Variants in CFAP61 observed in about 807,000 individuals in gnomAD.
CFAP61 encodes the protein cilia- and flagella-associated protein 61.
A neutral mutation model predicts 135.6 loss-of-function variants in CFAP61; 107 were observed. That is an observed-to-expected ratio of 0.79 (90% confidence interval 0.67 to 0.93). The LOEUF is 0.93. Among genes scored for constraint, CFAP61 ranks in the 40% least tolerant of loss-of-function variants. The pLI, the probability that CFAP61 is intolerant of heterozygous loss-of-function variation, is 0.00. For missense variants in CFAP61, 1,507 were observed against 1,556.2 expected, an observed-to-expected ratio of 0.97 and a Z score of 0.53; for synonymous variants, 575 against 578.5, an observed-to-expected ratio of 0.99 and a Z score of 0.09.
chr20:20,255,164 T>G (rs955634817), intron 20 of CFAP61, among the ~76,000 whole-genome samples: 1 of 152,158 alleles, frequency 6.6e-6, no homozygotes, highest in Non-Finnish European at 1.5e-5. Context: ...TATAACTCCT[T>G]CTCCAGCCCT....
At chr20:20,341,955 T>C in intron 26 of CFAP61, 34 bp downstream of exon 26, 1 of 1,427,806 alleles carries the variant, frequency 7.0e-7, no homozygotes, top group Non-Finnish European at 9.8e-7. Context: ...GGATTATTCC[T>C]TGCAAATTAT....
At chr20:20,123,423 G>GT (rs1251137037) in intron 8 of CFAP61, among the ~76,000 whole-genome samples, 1 of 151,042 alleles carries the variant, frequency 6.6e-6, no homozygotes, top group Non-Finnish European at 1.5e-5. Flanking sequence ...TTAAGAGTTG[G>GT]TTTTTCCAAG....
chr20:20,096,739 A>T (rs2047606292), intron 7 of CFAP61, among the ~76,000 whole-genome samples: 1 of 152,264 alleles, frequency 6.6e-6, no homozygotes, highest in Non-Finnish European at 1.5e-5. Context: ...CTTGGGCCTG[A>T]AATTACAGAG....
intron 6 of CFAP61, chr20:20,085,344 G>A (rs895237413): frequency 6.8e-5 from 87 of 1,270,988 alleles, no homozygotes; most frequent in Non-Finnish European, 8.5e-5. Context: ...TTGAGACTAT[G>A]TGAGGCTGAT....
chr20:20,311,151 A>T (rs2056804374), intron 25 of CFAP61, among the ~76,000 whole-genome samples: 2 of 152,304 alleles, frequency 1.3e-5, no homozygotes, highest in African/African-American at 4.8e-5. Context: ...CTCATAGCTA[A>T]CTAATCAACC....
intron 18 of CFAP61, among the ~76,000 whole-genome samples, chr20:20,233,397 G>T (rs1272073981): frequency 6.6e-6 from 1 of 152,168 alleles, no homozygotes; most frequent in African/African-American, 2.4e-5. Flanking sequence ...TGTTCATTGC[G>T]CTGTGCAAAA....
chr20:20,168,019 GA>G (rs990068229), intron 12 of CFAP61, among the ~76,000 whole-genome samples: 15 of 151,212 alleles, frequency 9.9e-5, no homozygotes, highest in African/African-American at 3.4e-4. Context: ...GAGCCACAAG[GA>G]AAAAAAAGAA....
intron 25 of CFAP61, among the ~76,000 whole-genome samples, chr20:20,337,682 TA>T (rs5840883): frequency 0.5 from 3,113 of 6,276 alleles, 1,410 homozygotes; most frequent in Middle Eastern, 1. Context: ...ATGGATAGAA[TA>T]AAAAAGAAAG....
At chr20:20,086,646 C>T (rs2046824513) in intron 6 of CFAP61, among the ~76,000 whole-genome samples, 1 of 152,124 alleles carries the variant, frequency 6.6e-6, no homozygotes, top group Non-Finnish European at 1.5e-5. Flanking sequence ...TCACTGCTGT[C>T]AGTGTAAATG....
intron 16 of CFAP61, among the ~76,000 whole-genome samples, chr20:20,197,053 C>T (rs1305751773): frequency 6.6e-6 from 1 of 152,148 alleles, no homozygotes; most frequent in African/African-American, 2.4e-5. Context: ...TGCAGAAATG[C>T]TCTAAGAGCA....
chr20:20,327,793 A>T (rs1384292931), intron 25 of CFAP61, among the ~76,000 whole-genome samples: 1 of 80,584 alleles, frequency 1.2e-5, no homozygotes, highest in African/African-American at 6.3e-5. Flanking sequence ...AAAAAAAAAA[A>T]AAAAAAAAAA....
intron 21 of CFAP61, among the ~76,000 whole-genome samples, chr20:20,276,800 A>C (rs1185905359): frequency 1.3e-5 from 2 of 152,232 alleles, no homozygotes; most frequent in African/African-American, 4.8e-5. Flanking sequence ...TTTGTCTGTA[A>C]GGAAGAACTA....
chr20:20,335,645 T>C (rs2058159471), intron 25 of CFAP61, among the ~76,000 whole-genome samples: 1 of 152,222 alleles, frequency 6.6e-6, no homozygotes, highest in Non-Finnish European at 1.5e-5. Context: ...ATGAATGTAC[T>C]CTGCTCTGAT....
At chr20:20,120,196 G>C (rs951823640) in intron 8 of CFAP61, among the ~76,000 whole-genome samples, 5 of 152,036 alleles carry the variant, frequency 3.3e-5, no homozygotes, top group African/African-American at 7.2e-5. Flanking sequence ...GTTTGCTCTT[G>C]CTTTTCTAGT....
chr20:20,201,449 G>T lies in CFAP61; in HGVS notation c.1932+1547G>T, dbSNP rs2056616620. Among the ~76,000 whole-genome samples, 3 of 152,260 alleles carry T rather than the reference G, an allele frequency of 2.0e-5. No homozygotes were observed. The South Asian group carries it at 6.2e-4, about 32-fold the overall frequency. The stretch of plus-strand genomic sequence containing the variant: ...CAGATTCATATCATTTTATCTGAAG[G>T]TCACAGGCATATTCTTAAGTAGCAG... On this transcript the variant is annotated intron_variant, in intron 17 of 26. Transcript: ENST00000245957.
At chr20:20,219,179 A>C (rs181556654) in intron 17 of CFAP61, among the ~76,000 whole-genome samples, 4 of 152,304 alleles carry the variant, frequency 2.6e-5, no homozygotes, top group Admixed American at 2.6e-4. Context: ...GATAAAACTT[A>C]CCCACTCTGT....
At chr20:20,115,065 A>G (rs1469692543) in intron 8 of CFAP61, among the ~76,000 whole-genome samples, 2 of 152,106 alleles carry the variant, frequency 1.3e-5, no homozygotes, top group African/African-American at 4.8e-5. Flanking sequence ...GTTAATTTCA[A>G]TTTAGTCTTG....
chr20:20,122,441 T>A (rs2049728430), intron 8 of CFAP61, among the ~76,000 whole-genome samples: 2 of 152,164 alleles, frequency 1.3e-5, no homozygotes, highest in African/African-American at 4.8e-5. Flanking sequence ...AGGCATAAGC[T>A]ATCATGCCTG....
chr20:20,188,910 A>T (rs1390502504), intron 14 of CFAP61, among the ~76,000 whole-genome samples: 1 of 152,208 alleles, frequency 6.6e-6, no homozygotes, highest in East Asian at 1.9e-4. Flanking sequence ...TGCTTCTAAG[A>T]TCAGAGATTG....
Sources: gnomAD v4.1 joint callset for allele counts (sites outside exome capture counted in the v4.1 genomes callset) on GRCh38, gnomAD v4.1.1 for gene constraint, MANE v1.5 for transcripts, NCBI Gene and HGNC (gene_info 2026-07-23, HGNC 2026-07-21) for gene names.